The following KLHL1 variants were observed in gnomAD, a reference collection of about 807,000 sequenced individuals.
KLHL1 encodes the protein kelch-like protein 1.
Under a neutral mutation model 77.7 loss-of-function variants are expected in KLHL1, and 47 were observed. The ratio of observed to expected loss-of-function variants is 0.60; its 90% CI spans 0.48 to 0.77. The LOEUF (loss-of-function observed/expected upper bound fraction) is 0.77. Ranked by LOEUF, KLHL1 falls within the 30% of genes least tolerant of loss-of-function variation. The pLI is 0.00. For missense variants in KLHL1, 925 were observed against 910.8 expected, an observed-to-expected ratio of 1.02 and a Z score of -0.20; for synonymous variants, 360 against 325.2, an observed-to-expected ratio of 1.11 and a Z score of -1.15.
At chr13:69,809,406 G>A (rs888306060) in intron 6 of KLHL1, among the ~76,000 whole-genome samples, 8 of 152,084 alleles carry the variant, frequency 5.3e-5, no homozygotes, top group Non-Finnish European at 1.0e-4. Context: ...CCCATTTTTA[G>A]CATTCTTAAA....
intron 3 of KLHL1, among the ~76,000 whole-genome samples, chr13:69,955,003 T>C (rs777197857): frequency 6.6e-6 from 1 of 151,154 alleles, no homozygotes. Flanking sequence ...TTTTAAATAA[T>C]GGGCAATAAT....
At chr13:69,803,200 T>C (rs1176703960) in intron 6 of KLHL1, among the ~76,000 whole-genome samples, 5 of 152,142 alleles carry the variant, frequency 3.3e-5, no homozygotes, top group Non-Finnish European at 7.4e-5. Context: ...ATAAATAATA[T>C]TGTGAATATT....
chr13:70,021,554 C>T (rs2325262), intron 1 of KLHL1, among the ~76,000 whole-genome samples: 128,730 of 151,592 alleles, frequency 0.85, 55,020 homozygotes, highest in East Asian at 0.92. Flanking sequence ...AATCTCATGG[C>T]AAACGTATAT....
intron 1 of KLHL1, among the ~76,000 whole-genome samples, chr13:69,979,514 T>C (rs1163029620): frequency 2.6e-5 from 4 of 152,148 alleles, no homozygotes; most frequent in African/African-American, 9.6e-5. Context: ...AAAAGGAGAC[T>C]TTAACATTTT....
chr13:69,994,696 T>C (rs866745817), intron 1 of KLHL1, among the ~76,000 whole-genome samples: 3 of 152,112 alleles, frequency 2.0e-5, no homozygotes, highest in Non-Finnish European at 4.4e-5. Context: ...ATGGTTCTAC[T>C]TACCAAGAAT....
intron 5 of KLHL1, among the ~76,000 whole-genome samples, chr13:69,857,455 T>C (rs1013122755): frequency 3.3e-5 from 5 of 152,148 alleles, no homozygotes; most frequent in Admixed American, 1.3e-4. Flanking sequence ...ATATGCCCCA[T>C]GACTAGCAAA....
At position 70,107,910 on chromosome 13, in the gene KLHL1, T is replaced by A. The variant is rs1566583428; in HGVS notation, c.-211A>T. Reference sequence around the variant, plus strand: ...GCCGCGCGTTTCAGCCGTGGTCGGGTCCGCAGGACCTGGGCGTGGGGACAC... The same window carrying A: ...GCCGCGCGTTTCAGCCGTGGTCGGGACCGCAGGACCTGGGCGTGGGGACAC... On this transcript the variant is annotated 5_prime_UTR_variant, in exon 1 of 11. Transcript: ENST00000377844. 8 of 511,280 alleles carry A rather than the reference T, an allele frequency of 1.6e-5. No homozygotes were observed. The highest frequency in any genetic ancestry group is 2.7e-5 in the Non-Finnish European group (8 of 292,830). 31.7% of individuals were successfully genotyped at this position (511,280 alleles called of 1,614,324 possible). A position where few individuals can be genotyped will look rare whatever the true frequency, so the allele number is the denominator to read the frequency against.
intron 7 of KLHL1, among the ~76,000 whole-genome samples, chr13:69,742,418 T>C (rs1874024911): frequency 1.3e-5 from 2 of 152,122 alleles, no homozygotes; most frequent in African/African-American, 4.8e-5. Flanking sequence ...CCATGAAGAA[T>C]TGTCTCCCAA....
intron 1 of KLHL1, among the ~76,000 whole-genome samples, chr13:70,023,582 G>A (rs149375857): frequency 6.6e-6 from 1 of 151,812 alleles, no homozygotes; most frequent in African/African-American, 2.4e-5. Flanking sequence ...ACAAAGTGTC[G>A]ATTTTTTGTT....
intron 9 of KLHL1, among the ~76,000 whole-genome samples, chr13:69,710,638 G>A (rs1875829351): frequency 6.6e-6 from 1 of 152,014 alleles, no homozygotes. Context: ...TCACCTCTCA[G>A]CATGGGACAT....
intron 1 of KLHL1, among the ~76,000 whole-genome samples, chr13:69,985,316 C>T (rs1183007009): frequency 1.3e-5 from 2 of 151,792 alleles, no homozygotes; most frequent in Non-Finnish European, 2.9e-5. Context: ...GTAAAATAGG[C>T]AAAAGAACTT....
intron 2 of KLHL1, 82 bp downstream of exon 2, chr13:69,975,538 T>G: frequency 8.7e-7 from 1 of 1,155,146 alleles, no homozygotes; most frequent in Non-Finnish European, 1.2e-6. Context: ...TCTGTAGTCA[T>G]ATAATATTCT....
chr13:69,802,704 A>G (rs1225401931), intron 6 of KLHL1, among the ~76,000 whole-genome samples: 1 of 149,510 alleles, frequency 6.7e-6, no homozygotes, highest in East Asian at 2.1e-4. Context: ...TGCTTGCTCA[A>G]TCGATCACGA....
At chr13:69,904,589 A>G (rs915374362) in intron 4 of KLHL1, among the ~76,000 whole-genome samples, 1 of 152,186 alleles carries the variant, frequency 6.6e-6, no homozygotes, top group Non-Finnish European at 1.5e-5. Flanking sequence ...ATTTTTATAC[A>G]TGCTATTCTC....
At chr13:69,710,602 T>G (rs1177038559) in intron 9 of KLHL1, among the ~76,000 whole-genome samples, 1 of 152,024 alleles carries the variant, frequency 6.6e-6, no homozygotes, top group African/African-American at 2.4e-5. Flanking sequence ...TTAAATTGAT[T>G]TTTCTATATT....
chr13:69,908,402 CAA>C (rs569664136), intron 4 of KLHL1, among the ~76,000 whole-genome samples: 2 of 150,864 alleles, frequency 1.3e-5, no homozygotes, highest in African/African-American at 4.9e-5. Context: ...GAAGATTTGA[CAA>C]AAAAAGTTCC....
At chr13:69,749,278 A>G (rs1056955567) in intron 7 of KLHL1, among the ~76,000 whole-genome samples, 3 of 152,018 alleles carry the variant, frequency 2.0e-5, no homozygotes, top group Admixed American at 6.6e-5. Context: ...TGTTATGTTC[A>G]GTATCAATAT....
chr13:69,758,847 C>T (rs745387616), intron 7 of KLHL1, among the ~76,000 whole-genome samples: 38 of 151,646 alleles, frequency 2.5e-4, no homozygotes, highest in Non-Finnish European at 2.5e-4. Flanking sequence ...TTAATGTTTC[C>T]GTATTTTTAT....
chr13:69,850,457 T>C (rs963393542), intron 5 of KLHL1, among the ~76,000 whole-genome samples: 15 of 151,582 alleles, frequency 9.9e-5, no homozygotes. Context: ...CCAAATACAG[T>C]TGATTACTAT....
Sources: gnomAD v4.1 joint callset for allele counts (sites outside exome capture counted in the v4.1 genomes callset) on GRCh38, gnomAD v4.1.1 for gene constraint, MANE v1.5 for transcripts, NCBI Gene and HGNC (gene_info 2026-07-23, HGNC 2026-07-21) for gene names.